The following CEP83 variants were observed in gnomAD, a reference collection of about 807,000 sequenced individuals.
CEP83 encodes centrosomal protein of 83 kDa.
Under a neutral mutation model 101.9 loss-of-function variants are expected in CEP83, and 70 were observed. That is an observed-to-expected ratio of 0.69 (90% confidence interval 0.57 to 0.84). CEP83 has a LOEUF of 0.84. Among genes scored for constraint, CEP83 ranks in the 40% least tolerant of loss-of-function variants. CEP83 has a pLI of 0.00. For synonymous variants in CEP83, 264 were observed against 267.9 expected (o/e 0.99, Z 0.14); for missense variants, 715 against 787.2 (o/e 0.91, Z 1.10).
intron 1 of CEP83, among the ~76,000 whole-genome samples, chr12:94,439,386 T>G (rs754293545): frequency 4.9e-4 from 74 of 152,038 alleles, no homozygotes; most frequent in Admixed American, 2.0e-3. Context: ...TGCTTTTGTA[T>G]GGCTACTATG....
At chr12:94,289,395 G>C in the CEP83 span, among the ~76,000 whole-genome samples, 1 of 152,194 alleles carries the variant, frequency 6.6e-6, no homozygotes, top group African/African-American at 2.4e-5. Flanking sequence ...AACCCTGTGA[G>C]ACTGGAAGGA....
the CEP83 span, chr12:94,272,392 G>C: frequency 6.6e-6 from 1 of 152,358 alleles, no homozygotes; most frequent in African/African-American, 2.4e-5. Context: ...GTAGAAAGGA[G>C]GGCAGATGGT....
At position 94,378,968 on chromosome 12, in the gene CEP83, T is replaced by C. The variant is rs748712184; in HGVS notation, c.624A>G (p.Lys208=). 6.2e-7 allele frequency: 1 copy of C among 1,614,046 alleles called. No homozygotes were observed. Among genetic ancestry groups the C allele is most frequent in the Non-Finnish European group, 8.5e-7 (1 of 1,179,934 alleles). ...TTTCTCGAGCAAGTTGTTCCACTCG[T>C]TTGCTGTCTTTTGTGAGATCAACAT... ...LLNVDLTKDS[K]RVEQLAREKV... The change falls in exon 7 of 17, where the codon AAA becomes AAG. Residue 208 remains lysine, a synonymous_variant. Transcript: ENST00000397809.
At chr12:94,455,689 T>C (rs1340407641) in intron 1 of CEP83, among the ~76,000 whole-genome samples, 2 of 152,326 alleles carry the variant, frequency 1.3e-5, no homozygotes, top group South Asian at 2.1e-4. Flanking sequence ...AGTCACAATA[T>C]ACAGAAGGCA....
At chr12:94,373,728 C>A (rs1255002499) in intron 8 of CEP83, among the ~76,000 whole-genome samples, 1 of 152,052 alleles carries the variant, frequency 6.6e-6, no homozygotes, top group East Asian at 2.0e-4. Flanking sequence ...CACTGATACT[C>A]ACACTGACAT....
chr12:94,443,188 C>T (rs1481806975), intron 1 of CEP83, among the ~76,000 whole-genome samples: 1 of 151,944 alleles, frequency 6.6e-6, no homozygotes, highest in African/African-American at 2.4e-5. Context: ...TTGCTAGAGT[C>T]AATTAAGTTT....
chr12:94,410,433 CT>C (rs200044787), intron 4 of CEP83, among the ~76,000 whole-genome samples: 2 of 151,848 alleles, frequency 1.3e-5, no homozygotes, highest in East Asian at 3.9e-4. Flanking sequence ...AGAACTGTCC[CT>C]TTTTTTTCAT....
At chr12:94,428,690 G>C (rs1295108427) in intron 2 of CEP83, among the ~76,000 whole-genome samples, 2 of 152,152 alleles carry the variant, frequency 1.3e-5, no homozygotes, top group Non-Finnish European at 2.9e-5. Flanking sequence ...ACAGGTTAAT[G>C]TTAAAACCAT....
chr12:94,366,126 T>G (rs187981337), intron 11 of CEP83, among the ~76,000 whole-genome samples: 71 of 152,212 alleles, frequency 4.7e-4, no homozygotes, highest in Admixed American at 1.0e-3. Flanking sequence ...AAGGTTTTGT[T>G]TTTTTGTTTT....
chr12:94,333,428 A>C, intron 13 of CEP83, 54 bp downstream of exon 13: 1 of 1,458,568 alleles, frequency 6.9e-7, no homozygotes, highest in South Asian at 1.2e-5. Context: ...TAAAATAAGT[A>C]CATGTTATAT....
intron 11 of CEP83, among the ~76,000 whole-genome samples, chr12:94,348,150 C>G (rs2060027046): frequency 6.6e-6 from 1 of 151,188 alleles, no homozygotes; most frequent in Non-Finnish European, 1.5e-5. Context: ...GCTGACTTGA[C>G]CAAGAAAGAA....
At chr12:94,385,944 C>T (rs1341471059) in intron 6 of CEP83, among the ~76,000 whole-genome samples, 1 of 152,130 alleles carries the variant, frequency 6.6e-6, no homozygotes, top group Non-Finnish European at 1.5e-5. Flanking sequence ...GTATTCAGTA[C>T]AGTGATATGC....
the CEP83 span, chr12:94,297,495 T>C: frequency 9.6e-7 from 1 of 1,042,770 alleles, no homozygotes; most frequent in African/African-American, 1.6e-5. Context: ...TAATTTCCAC[T>C]GAAGTGTGAA....
intron 2 of CEP83, chr12:94,423,900 G>C (rs959721574): frequency 4.3e-6 from 7 of 1,610,876 alleles, no homozygotes; most frequent in African/African-American, 4.0e-5. Flanking sequence ...GCAGCCGTCA[G>C]CATATACATG....
chr12:94,344,414 T>C (rs2059837741), intron 11 of CEP83, among the ~76,000 whole-genome samples: 1 of 151,854 alleles, frequency 6.6e-6, no homozygotes, highest in South Asian at 2.1e-4. Flanking sequence ...ATGAACAAAG[T>C]AAACTAAAAG....
At chr12:94,341,032 G>A (rs1002598332) in intron 11 of CEP83, among the ~76,000 whole-genome samples, 4 of 152,310 alleles carry the variant, frequency 2.6e-5, no homozygotes, top group East Asian at 1.9e-4. Context: ...TTGGAGTTGC[G>A]TTGCTGTCAT....
chr12:94,389,833 T>G (rs994680867), intron 6 of CEP83, among the ~76,000 whole-genome samples: 1 of 152,222 alleles, frequency 6.6e-6, no homozygotes, highest in Admixed American at 6.5e-5. Context: ...CCTGGCTCGG[T>G]GGGTCCCACG....
chr12:94,413,055 T>C (rs562005888), intron 2 of CEP83, among the ~76,000 whole-genome samples: 2 of 152,096 alleles, frequency 1.3e-5, no homozygotes, highest in Admixed American at 6.6e-5. Context: ...GGTTTCACCA[T>C]GCTGGCTAAG....
intron 14 of CEP83, among the ~76,000 whole-genome samples, chr12:94,314,688 G>C (rs1970388691): frequency 6.6e-6 from 1 of 152,078 alleles, no homozygotes; most frequent in Non-Finnish European, 1.5e-5. Flanking sequence ...CTCATGCTTT[G>C]ATTGTCCCAC....
Sources: allele counts gnomAD v4.1 joint callset (sites outside exome capture counted in the v4.1 genomes callset), GRCh38; gene constraint gnomAD v4.1.1; transcripts MANE v1.5; gene names NCBI Gene and HGNC (gene_info 2026-07-23, HGNC 2026-07-21).